The following SELENOW variants were observed in gnomAD, a reference collection of about 807,000 sequenced individuals.
The protein encoded by SELENOW is selenoprotein W.
In SELENOW, 20 loss-of-function variants were observed where a neutral mutation model predicts 16.6. The ratio of observed to expected loss-of-function variants is 1.21; its 90% CI spans 0.85 to 1.76. The LOEUF (loss-of-function observed/expected upper bound fraction) is 1.76. Among genes scored for constraint, SELENOW ranks in the 40% most tolerant of loss-of-function variants. SELENOW has a pLI of 0.00. For synonymous variants in SELENOW, 44 were observed against 46.2 expected (o/e 0.95, Z 0.19); for missense variants, 124 against 111.0 (o/e 1.12, Z -0.53).
In SELENOW at chr19:47,781,300, G is replaced by A. The variant is rs1294090536; in HGVS notation, c.194G>A (p.Gly65Asp). The change falls in exon 5 of 6, where the codon GGC becomes GAC. Residue 65 changes from glycine (G) to aspartate (D), a missense_variant. Gly to Asp is a moderately conservative substitution (Grantham distance 94). Transcript: ENST00000601048. ...TCCTCCCCTCCCTAGAAAGGCGATGGCTACGTGGACACAGAAAGCAAGTTT... is the reference window on the plus strand; with the variant it reads ...TCCTCCCCTCCCTAGAAAGGCGATGACTACGTGGACACAGAAAGCAAGTTT... ...KLIHSKKKGD[G>D]YVDTESKFLK... The A allele has an allele frequency of 6.2e-7, 1 of 1,613,674 alleles. No individual in the cohort carries two copies. The highest frequency in any genetic ancestry group is 1.7e-5 in the Admixed American group (1 of 59,978).
At chr19:47,780,823 A>C in intron 2 of SELENOW, 41 bp from the exon 3 acceptor site, 2 of 1,607,966 alleles carry the variant, frequency 1.2e-6, no homozygotes, top group Non-Finnish European at 1.7e-6. Flanking sequence ...GAGGGGGCTG[A>C]CTGGTATGAC....
chr19:47,780,692 C>T (rs1290007651), intron 1 of SELENOW, 33 bp from the exon 2 acceptor site: 3 of 1,552,284 alleles, frequency 1.9e-6, no homozygotes, highest in Non-Finnish European at 2.6e-6. Flanking sequence ...CCCTCTCTCC[C>T]CTGGGCCCCA....
chr19:47,781,102 C>T lies in SELENOW; in HGVS notation c.109-6C>T. The T allele has an allele frequency of 1.9e-6, 3 of 1,613,410 alleles. No homozygotes were observed. In the South Asian group the frequency reaches 3.3e-5, roughly 18 times the overall value. ...CTCCAACATCTCCCCTACCCCCTTT[C>T]CTCAGTGCGGCGAGGGAACTCCCCA... On this transcript the variant is annotated splice_region_variant and splice_polypyrimidine_tract_variant and intron_variant, in intron 3 of 5. Transcript: ENST00000601048.
At position 47,781,272 on chromosome 19, in the gene SELENOW, T is replaced by G. The variant is rs1967473228; in HGVS notation, c.184-18T>G. The G allele has an allele frequency of 6.2e-7, 1 of 1,610,780 alleles. No individual in the cohort carries two copies. The highest frequency in any genetic ancestry group is 1.3e-5 in the African/African-American group (1 of 74,830). On this transcript the variant is annotated intron_variant, in intron 4 of 5. Coordinates refer to ENST00000601048, the MANE Select transcript of SELENOW (RefSeq NM_003009.4). ...TCTCGGTCCCAGCTCACCCCTTCCC[T>G]CTTCCTCCCCTCCCTAGAAAGGCGA... is the stretch of plus-strand genomic sequence containing the variant.
intron 5 of SELENOW, chr19:47,782,524 AT>A (rs1263115764): frequency 6.7e-6 from 1 of 150,248 alleles, no homozygotes; most frequent in African/African-American, 2.4e-5. Flanking sequence ...CTGGTTCCTT[AT>A]CACTGTTTTT....
intron 1 of SELENOW, chr19:47,780,502 G>T (rs1040706840): frequency 3.5e-6 from 2 of 578,130 alleles, no homozygotes; most frequent in African/African-American, 1.9e-5. Context: ...GTGTGTCCCC[G>T]CGCCACCCCC....
rs369499539 is a variant in SELENOW, at chr19:47,781,568, G to A, written c.*18+180G>A. ...GGACAACAACTGAGATGGGGTCAGA[G>A]GTGTGCAGGGTGACAGCTGAGATGG... On this transcript the variant is annotated intron_variant, in intron 5 of 5. Coordinates refer to ENST00000601048, the MANE Select transcript of SELENOW (RefSeq NM_003009.4). 113 of 604,506 alleles carry A rather than the reference G, an allele frequency of 1.9e-4. 1 individual carries two copies. The East Asian group carries it at 2.1e-3, about 11-fold the overall frequency. The allele number at this position is 604,506 out of a possible 1,614,324, so 37.4% of individuals were successfully genotyped here.
At chr19:47,780,693 C>G (rs1330039891) in intron 1 of SELENOW, 32 bp from the exon 2 acceptor site, 25 of 1,552,418 alleles carry the variant, frequency 1.6e-5, no homozygotes, top group Non-Finnish European at 2.0e-5. Flanking sequence ...CCTCTCTCCC[C>G]TGGGCCCCAA....
rs117283285 is a variant in SELENOW, at chr19:47,781,511, C to T, written c.*18+123C>T. The T allele has an allele frequency of 0.012, 7,918 of 646,116 alleles. 79 individuals are homozygous for T. Among genetic ancestry groups the T allele is most frequent in the South Asian group, 0.019 (1,092 of 56,426 alleles). 40.0% of individuals were successfully genotyped at this position (646,116 alleles called of 1,614,324 possible). On this transcript the variant is annotated intron_variant, in intron 5 of 5. Transcript: ENST00000601048. ...GGGGACATCACGTGTGTCCCCAGAG[C>T]GAGCGGGATAAAGTTAGACCCGGTT...
At position 47,781,114 on chromosome 19, in the gene SELENOW, G is replaced by A. The variant is rs1967470437; in HGVS notation, c.115G>A (p.Glu39Lys). 8 of 1,613,548 alleles carry A rather than the reference G, an allele frequency of 5.0e-6. No homozygotes were observed. Among genetic ancestry groups the A allele is most frequent in the Non-Finnish European group, 6.8e-6 (8 of 1,179,588 alleles). ...CCCTACCCCCTTTCCTCAGTGCGGC[G>A]AGGGAACTCCCCAGGCCACCGGGTT... The part of the protein sequence containing the change: ...EFPGRLDICG[E>K]GTPQATGFFE... The change falls in exon 4 of 6, where the codon GAG becomes AAG. Residue 39 changes from glutamate to lysine, a missense_variant. Physicochemically the swap from Glu to Lys is moderately conservative, Grantham distance 56 (BLOSUM62 1). Coordinates refer to ENST00000601048, the MANE Select transcript of SELENOW (RefSeq NM_003009.4).
chr19:47,780,566 C>T, intron 1 of SELENOW, 159 bp from the exon 2 acceptor site: 2 of 647,998 alleles, frequency 3.1e-6, no homozygotes, highest in Middle Eastern at 4.1e-4. Context: ...CTCTTGAGGG[C>T]ATCTGTCACC....
intron 5 of SELENOW, chr19:47,783,440 T>C (rs1162943985): frequency 6.6e-6 from 1 of 152,282 alleles, no homozygotes; most frequent in Non-Finnish European, 1.5e-5. Context: ...TGACCTCAGG[T>C]GATCCGCCTG....
In SELENOW at chr19:47,778,726, A is replaced by G. The variant is rs535782782; in HGVS notation, c.-60A>G. The G allele has an allele frequency of 3.6e-5, 57 of 1,565,238 alleles. No individual in the cohort carries two copies. In the African/African-American group the frequency reaches 5.5e-4, roughly 15 times the overall value. On this transcript the variant is annotated 5_prime_UTR_variant, in exon 1 of 6. Transcript: ENST00000601048. ...GCACTCGCGCAGACCTAGCGCGTCC[A>G]GGTGGGAGGTTAGTGTGGCCCGGGC...
chr19:47,782,043 A>T (rs1485531364), intron 5 of SELENOW: 1 of 157,264 alleles, frequency 6.4e-6, no homozygotes, highest in East Asian at 1.9e-4. Context: ...GAAAAGTGCT[A>T]GCAACCCAAC....
At chr19:47,781,838 G>A (rs1967481150) in intron 5 of SELENOW, among the ~76,000 whole-genome samples, 1 of 151,542 alleles carries the variant, frequency 6.6e-6, no homozygotes, top group South Asian at 2.1e-4. Flanking sequence ...AGGTGTGCAG[G>A]ATGACGGCTG....
At chr19:47,780,603 C>T in intron 1 of SELENOW, 122 bp from the exon 2 acceptor site, 1 of 786,486 alleles carries the variant, frequency 1.3e-6, no homozygotes, top group Admixed American at 2.1e-5. Context: ...CTGTGTTCCT[C>T]TTTATTTCTT....
chr19:47,779,029 C>T, intron 1 of SELENOW: 3 of 558,690 alleles, frequency 5.4e-6, no homozygotes, highest in East Asian at 3.1e-5. Flanking sequence ...CTGGGCATCT[C>T]GGGTTATAAA....
In SELENOW at chr19:47,781,350, G is replaced by A. The variant is rs202165741; in HGVS notation, c.244G>A (p.Ala82Thr). Reference protein sequence around the residue: ...KFLKLVAAIKAALAQG With the variant: ...KFLKLVAAIKTALAQG The stretch of plus-strand genomic sequence containing the variant: ...TCTGAAGTTGGTGGCCGCCATCAAA[G>A]CCGCCTTGGCTCAGGGCTAATGCGC... Residue 82 changes from alanine to threonine, a missense_variant, in exon 5 of 6, where the codon GCC becomes ACC. Transcript: ENST00000601048. 2.5e-5 allele frequency: 40 copies of A among 1,605,642 alleles called. No homozygotes were observed. Among genetic ancestry groups the A allele is most frequent in the Non-Finnish European group, 3.1e-5 (36 of 1,175,798 alleles).
intron 5 of SELENOW, 66 bp downstream of exon 5, chr19:47,781,454 C>T (rs1469878041): frequency 2.2e-6 from 2 of 917,142 alleles, no homozygotes; most frequent in Non-Finnish European, 1.7e-6. Context: ...GCTCTGACTC[C>T]TTGGCCCAGG....
Sources: gnomAD v4.1 joint callset for allele counts (sites outside exome capture counted in the v4.1 genomes callset) on GRCh38, gnomAD v4.1.1 for gene constraint, MANE v1.5 for transcripts, NCBI Gene and HGNC (gene_info 2026-07-23, HGNC 2026-07-21) for gene names.